Variants in PTK2B observed in about 807,000 individuals in gnomAD.
PTK2B encodes protein-tyrosine kinase 2-beta.
A neutral mutation model predicts 142.9 loss-of-function variants in PTK2B; 71 were observed. That is an observed-to-expected ratio of 0.50 (90% CI 0.41 to 0.61). The LOEUF is 0.61. PTK2B is among the 20% of genes least tolerant of loss of function. PTK2B has a pLI of 0.00. For missense variants in PTK2B, 1,105 were observed against 1,320.4 expected (o/e 0.84, Z 2.53); for synonymous variants, 519 against 503.4 (o/e 1.03, Z -0.42).
At chr8:27,439,602 G>T (rs1317183776) in intron 20 of PTK2B, among the ~76,000 whole-genome samples, 1 of 152,064 alleles carries the variant, frequency 6.6e-6, no homozygotes, top group Non-Finnish European at 1.5e-5. Flanking sequence ...GACTGGCCTG[G>T]GCTGTGCAGG....
intron 20 of PTK2B, among the ~76,000 whole-genome samples, 172 bp from the exon 21 acceptor site, chr8:27,440,065 C>T (rs1811060418): frequency 6.6e-6 from 1 of 152,160 alleles, no homozygotes; most frequent in South Asian, 2.1e-4. Context: ...AGAGGTAGGT[C>T]ACTTGTCCCT....
chr8:27,345,682 A>G (rs922069016), intron 1 of PTK2B, among the ~76,000 whole-genome samples: 2 of 152,234 alleles, frequency 1.3e-5, no homozygotes, highest in Non-Finnish European at 2.9e-5. Context: ...GCAGACTTCT[A>G]TGCTGACTTT....
At position 27,432,244 on chromosome 8, in the gene PTK2B, C is replaced by T; in HGVS notation, c.886-16C>T. 1.2e-6 allele frequency: 2 copies of T among 1,612,884 alleles called. No individual in the cohort carries two copies. Among genetic ancestry groups the T allele is most frequent in the South Asian group, 1.1e-5 (1 of 90,810 alleles). Reference sequence around the variant, plus strand: ...GGTAGTGGGATGGTCTGAAGCTCCCCCTTCTTTTCCCACAGCCCACCTGCC... The same window carrying T: ...GGTAGTGGGATGGTCTGAAGCTCCCTCTTCTTTTCCCACAGCCCACCTGCC... On this transcript the variant is annotated splice_polypyrimidine_tract_variant and intron_variant, in intron 9 of 30. Coordinates refer to ENST00000346049, the MANE Select transcript of PTK2B (RefSeq NM_173176.3).
At chr8:27,328,343 G>A (rs1261484615) in intron 1 of PTK2B, among the ~76,000 whole-genome samples, 3 of 152,200 alleles carry the variant, frequency 2.0e-5, no homozygotes, top group Non-Finnish European at 4.4e-5. Flanking sequence ...TAGAGGAAGT[G>A]AAGGTGCCTT....
At chr8:27,342,926 T>C (rs1586118771) in intron 1 of PTK2B, among the ~76,000 whole-genome samples, 1 of 152,266 alleles carries the variant, frequency 6.6e-6, no homozygotes, top group African/African-American at 2.4e-5. Context: ...CTGTTTACAT[T>C]GGCCCTTGCT....
intron 1 of PTK2B, among the ~76,000 whole-genome samples, chr8:27,339,587 G>A (rs1006666211): frequency 2.0e-5 from 3 of 152,224 alleles, no homozygotes; most frequent in East Asian, 1.9e-4. Context: ...AGACATGGGC[G>A]AAAGCTTGAG....
chr8:27,444,648 A>G (rs1047255624), intron 23 of PTK2B, among the ~76,000 whole-genome samples: 2 of 152,174 alleles, frequency 1.3e-5, no homozygotes, highest in African/African-American at 4.8e-5. Flanking sequence ...GGCCCCATCC[A>G]GAACCTGGGT....
chr8:27,345,716 G>T (rs890665850), intron 1 of PTK2B, among the ~76,000 whole-genome samples: 6 of 152,190 alleles, frequency 3.9e-5, no homozygotes, highest in Non-Finnish European at 7.4e-5. Flanking sequence ...GAGATGAGAG[G>T]TAGGCAGCTT....
intron 1 of PTK2B, among the ~76,000 whole-genome samples, chr8:27,377,308 TTACCACG>T (rs1178773567): frequency 1.3e-5 from 2 of 152,142 alleles, no homozygotes; most frequent in African/African-American, 2.4e-5. Flanking sequence ...TATGTGTAGT[TTACCACG>T]TACATGATGG....
chr8:27,397,266 AG>A (rs1407993395), intron 1 of PTK2B, among the ~76,000 whole-genome samples: 1 of 152,168 alleles, frequency 6.6e-6, no homozygotes, highest in East Asian at 1.9e-4. Flanking sequence ...GCCAGGGTGG[AG>A]GGAGGAATGG....
chr8:27,431,151 G>A (rs1810393016), intron 8 of PTK2B, 135 bp downstream of exon 8: 5 of 1,478,718 alleles, frequency 3.4e-6, no homozygotes, highest in South Asian at 2.7e-5. Flanking sequence ...CTGACCTGCC[G>A]TCGGTGGAAG....
chr8:27,432,819 C>CTCTT (rs771171948), intron 10 of PTK2B, among the ~76,000 whole-genome samples: 5 of 151,968 alleles, frequency 3.3e-5, no homozygotes, highest in Admixed American at 1.3e-4. Flanking sequence ...CCTCCCCTTC[C>CTCTT]TCTTTCTTTC....
At chr8:27,414,685 A>C (rs1809289193) in intron 2 of PTK2B, among the ~76,000 whole-genome samples, 1 of 149,988 alleles carries the variant, frequency 6.7e-6, no homozygotes, top group Non-Finnish European at 1.5e-5. Context: ...CTTCACCTCC[A>C]AAGATTTCAA....
At chr8:27,457,755 A>G (rs1440153491) in intron 30 of PTK2B, among the ~76,000 whole-genome samples, 1 of 152,158 alleles carries the variant, frequency 6.6e-6, no homozygotes, top group Non-Finnish European at 1.5e-5. Flanking sequence ...TCGGAGGATC[A>G]CCTGAGGTCA....
At chr8:27,375,906 G>T (rs7000763) in intron 1 of PTK2B, among the ~76,000 whole-genome samples, 2 of 152,246 alleles carry the variant, frequency 1.3e-5, no homozygotes, top group Non-Finnish European at 2.9e-5. Flanking sequence ...CAGGCACACG[G>T]CCATGCAATT....
At position 27,444,212 on chromosome 8, in the gene PTK2B, C is replaced by A. The variant is rs1284885828; in HGVS notation, c.2155C>A (p.Arg719=). ...ATCTGTGTTCTCTCTCCAGCCCAGC[C>A]GACCTAAGTACAGACCCCCTCCGCA... The part of the protein sequence containing the change: ...AFQEPPPKPS[R]PKYRPPPQTN... The change falls in exon 23 of 31, where the codon CGA becomes AGA. Residue 719 remains arginine, a synonymous_variant. Coordinates refer to ENST00000346049, the MANE Select transcript of PTK2B (RefSeq NM_173176.3). 2 of 1,613,238 alleles carry A rather than the reference C, an allele frequency of 1.2e-6. No individual in the cohort carries two copies. The highest frequency in any genetic ancestry group is 2.7e-5 in the African/African-American group (2 of 74,892).
chr8:27,377,215 G>T (rs139804100), intron 1 of PTK2B, among the ~76,000 whole-genome samples: 1 of 152,188 alleles, frequency 6.6e-6, no homozygotes, highest in South Asian at 2.1e-4. Flanking sequence ...CAAAAGGGGC[G>T]CCTGTCATTG....
Position 27,397,728 on chromosome 8 carries a change from C to T in PTK2B, c.144C>T (p.Asn48=). The part of the protein sequence containing the change: ...VRILKVCFYS[N]SFNPGKNFKL... ...TCCTCAAGGTCTGCTTCTATAGCAA[C>T]AGCTTCAATCCTGGGAAAAACTTCA... Residue 48 remains asparagine (N), a synonymous_variant, in exon 2 of 31, where the codon AAC becomes AAT. Transcript: ENST00000346049. The T allele has an allele frequency of 6.2e-7, 1 of 1,614,274 alleles. No homozygotes were observed. Among genetic ancestry groups the T allele is most frequent in the Non-Finnish European group, 8.5e-7 (1 of 1,180,048 alleles).
intron 3 of PTK2B, among the ~76,000 whole-genome samples, chr8:27,314,436 C>A (rs940535277): frequency 6.6e-6 from 1 of 152,142 alleles, no homozygotes; most frequent in African/African-American, 2.4e-5. Flanking sequence ...ATACAACGGG[C>A]GCGTGTGGTG....
Sources: gnomAD v4.1 joint callset for allele counts (sites outside exome capture counted in the v4.1 genomes callset) on GRCh38, gnomAD v4.1.1 for gene constraint, MANE v1.5 for transcripts, NCBI Gene and HGNC (gene_info 2026-07-23, HGNC 2026-07-21) for gene names.